ZNF804A: variants seen among roughly 807,000 people sequenced by gnomAD.
ZNF804A encodes the protein zinc finger protein 804A.
Under a neutral mutation model 16.5 loss-of-function variants are expected in ZNF804A, and 2 were observed. The ratio of observed to expected loss-of-function variants is 0.12; its 90% confidence interval spans 0.05 to 0.38. The LOEUF (loss-of-function observed/expected upper bound fraction) is 0.38. Among genes scored for constraint, ZNF804A ranks in the 10% least tolerant of loss-of-function variants. The pLI is 0.99. For synonymous variants in ZNF804A, 534 were observed against 489.6 expected, an observed-to-expected ratio of 1.09 and a Z score of -1.20; for missense variants, 1,473 against 1,390.7, an observed-to-expected ratio of 1.06 and a Z score of -0.94.
At chr2:184,618,010 A>C (rs974477258) in intron 1 of ZNF804A, among the ~76,000 whole-genome samples, 1 of 152,040 alleles carries the variant, frequency 6.6e-6, no homozygotes, top group East Asian at 1.9e-4. Flanking sequence ...TCTTGTGGAC[A>C]CTAGAGTATG....
At chr2:184,859,350 A>C (rs1695756127) in intron 1 of ZNF804A, among the ~76,000 whole-genome samples, 2 of 151,510 alleles carry the variant, frequency 1.3e-5, no homozygotes, top group African/African-American at 4.9e-5. Context: ...TTGAGTTCAC[A>C]GATTTTCTTT....
rs369346577 is a variant in ZNF804A at position 184,793,712 on chromosome 2, C to T, written c.112-72657C>T. On this transcript the variant is annotated intron_variant, in intron 1 of 3. Coordinates refer to ENST00000302277, the MANE Select transcript of ZNF804A (RefSeq NM_194250.2). ...ACACCCAATTTGTAGTCTCTTCTTCCTCACCACCTTCCCACCCTTTCTCTC... is the reference window on the plus strand; with the variant it reads ...ACACCCAATTTGTAGTCTCTTCTTCTTCACCACCTTCCCACCCTTTCTCTC... 2.6e-5 allele frequency among the ~76,000 whole-genome samples: 4 copies of T among 152,078 alleles called. No homozygotes were observed. In the East Asian group the frequency reaches 7.7e-4, roughly 29 times the overall value.
At chr2:184,865,107 T>C (rs541087637) in intron 1 of ZNF804A, among the ~76,000 whole-genome samples, 2 of 152,140 alleles carry the variant, frequency 1.3e-5, no homozygotes, top group Non-Finnish European at 2.9e-5. Flanking sequence ...CTTGAACTCT[T>C]GACCTCAAGT....
At chr2:184,878,120 C>G (rs2105816439) in intron 2 of ZNF804A, among the ~76,000 whole-genome samples, 1 of 152,174 alleles carries the variant, frequency 6.6e-6, no homozygotes, top group African/African-American at 2.4e-5. Flanking sequence ...TGTTGGTTGG[C>G]CTTCCCAGAT....
chr2:184,647,648 G>A (rs946261859), intron 1 of ZNF804A, among the ~76,000 whole-genome samples: 1 of 152,108 alleles, frequency 6.6e-6, no homozygotes, highest in Non-Finnish European at 1.5e-5. Flanking sequence ...GAATGTCAAA[G>A]CATGAAGATC....
At chr2:184,633,732 T>C (rs1187078063) in intron 1 of ZNF804A, among the ~76,000 whole-genome samples, 2 of 152,108 alleles carry the variant, frequency 1.3e-5, no homozygotes, top group African/African-American at 4.8e-5. Context: ...ACATAAAATA[T>C]GTAAATCAAA....
At chr2:184,862,109 G>T (rs931451380) in intron 1 of ZNF804A, among the ~76,000 whole-genome samples, 1 of 152,154 alleles carries the variant, frequency 6.6e-6, no homozygotes, top group African/African-American at 2.4e-5. Context: ...ACCAGATAGA[G>T]GGTGAACATT....
chr2:184,613,085 A>G (rs1446967113), intron 1 of ZNF804A, among the ~76,000 whole-genome samples: 6 of 152,246 alleles, frequency 3.9e-5, no homozygotes, highest in African/African-American at 1.4e-4. Flanking sequence ...CATGCCAACT[A>G]TTTTGACACA....
intron 1 of ZNF804A, among the ~76,000 whole-genome samples, chr2:184,686,646 T>C (rs543774388): frequency 9.6e-4 from 147 of 152,332 alleles, no homozygotes; most frequent in African/African-American, 3.5e-3. Context: ...TCTGAACTAA[T>C]TTATGTTCCC....
intron 1 of ZNF804A, among the ~76,000 whole-genome samples, chr2:184,740,207 C>T (rs1248656229): frequency 6.6e-6 from 1 of 152,160 alleles, no homozygotes; most frequent in Non-Finnish European, 1.5e-5. Context: ...TAAGACTCCT[C>T]AAGTCACCAT....
chr2:184,928,658 C>G (rs901461604), intron 2 of ZNF804A, among the ~76,000 whole-genome samples: 2 of 152,146 alleles, frequency 1.3e-5, no homozygotes, highest in Non-Finnish European at 2.9e-5. Flanking sequence ...ATTTAGAGCC[C>G]CAGAGCCCTC....
intron 1 of ZNF804A, among the ~76,000 whole-genome samples, chr2:184,790,815 G>C (rs1694528667): frequency 6.6e-6 from 1 of 152,066 alleles, no homozygotes; most frequent in South Asian, 2.1e-4. Flanking sequence ...GTGTTAGCCA[G>C]GATGGTCTCG....
rs893470487 is a variant in ZNF804A at position 184,671,073 on chromosome 2, C to A, written c.111+72003C>A. 9.2e-4 allele frequency among the ~76,000 whole-genome samples: 140 copies of A among 152,120 alleles called. 1 individual carries two copies. Among genetic ancestry groups the A allele is most frequent in the Non-Finnish European group, 7.8e-4 (53 of 68,024 alleles). On this transcript the variant is annotated intron_variant, in intron 1 of 3. Coordinates refer to ENST00000302277, the MANE Select transcript of ZNF804A (RefSeq NM_194250.2). ...TAATTATGGATGTAGAACTGGTTTG[C>A]CTGCCTAAAGTGATCACGTTCATAC...
At chr2:184,879,948 T>A (rs1365455579) in intron 2 of ZNF804A, among the ~76,000 whole-genome samples, 2 of 152,052 alleles carry the variant, frequency 1.3e-5, no homozygotes, top group African/African-American at 4.8e-5. Context: ...TGGCTTTGGT[T>A]TAAGCGATTT....
intron 1 of ZNF804A, among the ~76,000 whole-genome samples, chr2:184,830,327 T>C (rs1695243588): frequency 6.6e-6 from 1 of 152,170 alleles, no homozygotes; most frequent in East Asian, 1.9e-4. Context: ...GAAGTCTAGC[T>C]TGAAACAAGT....
At chr2:184,872,222 A>C (rs1695985810) in intron 2 of ZNF804A, among the ~76,000 whole-genome samples, 1 of 152,158 alleles carries the variant, frequency 6.6e-6, no homozygotes, top group South Asian at 2.1e-4. Flanking sequence ...AAGCTATCTA[A>C]CTTTCATATG....
intron 1 of ZNF804A, among the ~76,000 whole-genome samples, chr2:184,746,035 A>G (rs1693784627): frequency 6.6e-6 from 1 of 151,636 alleles, no homozygotes; most frequent in South Asian, 2.1e-4. Flanking sequence ...AAGGATCATG[A>G]ATCAAAAAGC....
intron 1 of ZNF804A, among the ~76,000 whole-genome samples, chr2:184,794,186 C>G (rs1388585034): frequency 6.6e-6 from 1 of 152,138 alleles, no homozygotes; most frequent in East Asian, 1.9e-4. Context: ...CCATTCCCAC[C>G]AGCAGTGTAG....
chr2:184,624,217 T>C (rs1691461773), intron 1 of ZNF804A, among the ~76,000 whole-genome samples: 1 of 152,150 alleles, frequency 6.6e-6, no homozygotes, highest in Non-Finnish European at 1.5e-5. Flanking sequence ...GATACAACTA[T>C]GTGTATGTAC....
Sources: gnomAD v4.1 joint callset for allele counts (sites outside exome capture counted in the v4.1 genomes callset) on GRCh38, gnomAD v4.1.1 for gene constraint, MANE v1.5 for transcripts, NCBI Gene and HGNC (gene_info 2026-07-23, HGNC 2026-07-21) for gene names.